The following FBXL7 variants were observed in gnomAD, a reference collection of about 807,000 sequenced individuals.
FBXL7 encodes F-box/LRR-repeat protein 7.
Under a neutral mutation model 38.3 loss-of-function variants are expected in FBXL7, and 12 were observed. The observed-to-expected ratio is 0.31, with a 90% CI of 0.20 to 0.51. The LOEUF (loss-of-function observed/expected upper bound fraction) is 0.51, where lower values mean the gene tolerates loss of function less well. FBXL7 is among the 20% of genes least tolerant of loss of function. FBXL7 has a pLI of 0.98. For missense variants in FBXL7, 567 were observed against 676.4 expected (o/e 0.84, Z 1.79); for synonymous variants, 297 against 300.9 (o/e 0.99, Z 0.13).
At chr5:15,934,289 G>C (rs891947536) in intron 3 of FBXL7, among the ~76,000 whole-genome samples, 4 of 152,178 alleles carry the variant, frequency 2.6e-5, no homozygotes, top group African/African-American at 9.7e-5. Context: ...GCAGGCGTGA[G>C]CCAACACACC....
intron 2 of FBXL7, among the ~76,000 whole-genome samples, chr5:15,875,730 A>G (rs903775351): frequency 6.6e-6 from 1 of 152,308 alleles, no homozygotes; most frequent in East Asian, 1.9e-4. Context: ...TAAAATGGTG[A>G]TCATTAAAAA....
chr5:15,606,402 C>T (rs1027602880), intron 1 of FBXL7, among the ~76,000 whole-genome samples: 1 of 152,150 alleles, frequency 6.6e-6, no homozygotes, highest in African/African-American at 2.4e-5. Context: ...GAATTCTCCG[C>T]TCTATGTGTA....
At chr5:15,719,298 A>AT (rs1056764519) in intron 2 of FBXL7, among the ~76,000 whole-genome samples, 3 of 151,980 alleles carry the variant, frequency 2.0e-5, no homozygotes, top group Non-Finnish European at 4.4e-5. Context: ...TCCTAATTCC[A>AT]TTTTTTCCTT....
At chr5:15,714,149 A>G (rs918302233) in intron 2 of FBXL7, among the ~76,000 whole-genome samples, 10 of 152,198 alleles carry the variant, frequency 6.6e-5, no homozygotes, top group Non-Finnish European at 1.5e-4. Flanking sequence ...GTTGAATTGT[A>G]ATCCCCAGTG....
At chr5:15,625,572 T>C (rs560076634) in intron 2 of FBXL7, among the ~76,000 whole-genome samples, 4 of 152,270 alleles carry the variant, frequency 2.6e-5, no homozygotes, top group Admixed American at 1.3e-4. Context: ...AGTAATCCCT[T>C]GAACCTAGGA....
chr5:15,729,956 A>T (rs1006966641), intron 2 of FBXL7, among the ~76,000 whole-genome samples: 1 of 152,168 alleles, frequency 6.6e-6, no homozygotes, highest in East Asian at 1.9e-4. Flanking sequence ...TCTTTACTGT[A>T]TGCAGTCCTA....
intron 2 of FBXL7, among the ~76,000 whole-genome samples, chr5:15,703,227 G>A (rs1743584111): frequency 6.6e-6 from 1 of 152,106 alleles, no homozygotes; most frequent in Non-Finnish European, 1.5e-5. Flanking sequence ...TCTACTTTTA[G>A]TATTGAAATA....
chr5:15,609,811 A>G (rs4702087), intron 1 of FBXL7, among the ~76,000 whole-genome samples: 131,011 of 152,234 alleles, frequency 0.86, 56,735 homozygotes, highest in Admixed American at 0.89. Flanking sequence ...GGTGCTATGC[A>G]GCATCCTTAG....
At chr5:15,914,270 C>T (rs1316039526) in intron 2 of FBXL7, among the ~76,000 whole-genome samples, 1 of 151,584 alleles carries the variant, frequency 6.6e-6, no homozygotes, top group East Asian at 2.0e-4. Context: ...CCTGTAGTCC[C>T]AGCTACTCAT....
chr5:15,633,814 CTT>C (rs1211506648), intron 2 of FBXL7, among the ~76,000 whole-genome samples: 1 of 150,210 alleles, frequency 6.7e-6, no homozygotes, highest in Non-Finnish European at 1.5e-5. Flanking sequence ...GAGTTTTGCT[CTT>C]GTCTCTCAGG....
At chr5:15,664,709 A>C (rs1006749352) in intron 2 of FBXL7, among the ~76,000 whole-genome samples, 9 of 151,476 alleles carry the variant, frequency 5.9e-5, no homozygotes, top group Non-Finnish European at 1.3e-4. Context: ...TGACCTCATG[A>C]TCCGCCCACC....
intron 1 of FBXL7, among the ~76,000 whole-genome samples, chr5:15,575,854 T>C (rs1172295597): frequency 6.6e-6 from 1 of 152,222 alleles, no homozygotes; most frequent in Non-Finnish European, 1.5e-5. Flanking sequence ...TACACTGTTC[T>C]AGGAGCAAAT....
chr5:15,625,834 C>G lies in FBXL7; in HGVS notation c.127+9762C>G, dbSNP rs546431325. Among the ~76,000 whole-genome samples the G allele has an allele frequency of 5.3e-5, 8 of 152,180 alleles. No individual in the cohort carries two copies. In the East Asian group the frequency reaches 1.5e-3, roughly 29 times the overall value. On this transcript the variant is annotated intron_variant, in intron 2 of 3. Transcript: ENST00000504595. ...CTGTCTATTACAATAGAAGGAAACT[C>G]AATCTATGACACCAAAAAAGTAGAG...
At chr5:15,517,750 T>C (rs1736982192) in intron 1 of FBXL7, among the ~76,000 whole-genome samples, 1 of 152,316 alleles carries the variant, frequency 6.6e-6, no homozygotes, top group Admixed American at 6.5e-5. Context: ...CCACTCCTTA[T>C]GTTTACTTCC....
chr5:15,726,573 C>T (rs905506269), intron 2 of FBXL7, among the ~76,000 whole-genome samples: 1 of 151,962 alleles, frequency 6.6e-6, no homozygotes, highest in East Asian at 1.9e-4. Flanking sequence ...TGCCTGTAGT[C>T]CCAGCTATTT....
At chr5:15,553,175 C>T (rs1225056689) in intron 1 of FBXL7, among the ~76,000 whole-genome samples, 1 of 152,160 alleles carries the variant, frequency 6.6e-6, no homozygotes, top group Non-Finnish European at 1.5e-5. Context: ...ATTTGGACCC[C>T]AGCCCTCTTG....
At chr5:15,765,543 A>C (rs1736565059) in intron 2 of FBXL7, among the ~76,000 whole-genome samples, 1 of 152,168 alleles carries the variant, frequency 6.6e-6, no homozygotes, top group Non-Finnish European at 1.5e-5. Flanking sequence ...TCACAACCTA[A>C]AGTGACAATT....
rs71603784 is a variant in FBXL7 at position 15,626,544 on chromosome 5, C to CTGTGTGTGTGTGTGTGTG, written c.127+10484_127+10501dup. ...ATAGTCTTAGAAGAAAATTCGTTTC[C>CTGTGTGTGTGTGTGTGTG]TGTGTGTGTGTGTGTGTGTGTGTGT... On this transcript the variant is annotated intron_variant, in intron 2 of 3. Coordinates refer to ENST00000504595, the MANE Select transcript of FBXL7 (RefSeq NM_012304.5). 8.2e-3 allele frequency among the ~76,000 whole-genome samples: 1,217 copies of CTGTGTGTGTGTGTGTGTG among 148,306 alleles called. 10 individuals carry two copies. The highest frequency in any genetic ancestry group is 0.037 in the East Asian group (187 of 5,060).
At chr5:15,666,301 G>A (rs1164156208) in intron 2 of FBXL7, among the ~76,000 whole-genome samples, 3 of 152,048 alleles carry the variant, frequency 2.0e-5, no homozygotes, top group African/African-American at 7.2e-5. Context: ...GAAATTTACT[G>A]TCTTAATTAT....
Sources: allele counts gnomAD v4.1 joint callset (sites outside exome capture counted in the v4.1 genomes callset), GRCh38; gene constraint gnomAD v4.1.1; transcripts MANE v1.5; gene names NCBI Gene and HGNC (gene_info 2026-07-23, HGNC 2026-07-21).